Variants in VSIG4 observed in about 807,000 individuals in gnomAD.
The protein encoded by VSIG4 is V-set and immunoglobulin domain containing 4, also known as V-set and immunoglobulin domain-containing protein 4.
VSIG4 carries 34 observed loss-of-function variants against 23.4 expected under a neutral mutation model. That is an observed-to-expected ratio of 1.45 (90% confidence interval 1.10 to 1.93). The LOEUF (loss-of-function observed/expected upper bound fraction) is 1.93, where lower values mean the gene tolerates loss of function less well. Ranked by LOEUF, VSIG4 falls within the 30% of genes most tolerant of loss-of-function variation. The pLI is 0.00. For synonymous variants in VSIG4, 169 were observed against 120.3 expected (o/e 1.41, Z -2.65); for missense variants, 433 against 310.8 (o/e 1.39, Z -2.96).
chrX:66,026,500 G>C (rs907525740), intron 5 of VSIG4, among the ~76,000 whole-genome samples: 1 of 111,887 alleles, frequency 8.9e-6, no homozygotes, highest in South Asian at 3.8e-4. Context: ...TCTTCTCCCA[G>C]TAGATGTTCT....
intron 1 of VSIG4, among the ~76,000 whole-genome samples, chrX:66,035,748 A>C (rs1433486161): frequency 8.9e-6 from 1 of 112,305 alleles, no homozygotes; most frequent in African/African-American, 3.2e-5. Flanking sequence ...CTCTTGGTTT[A>C]ATAGGCTATT....
chrX:66,026,748 T>C (rs2085396777), intron 5 of VSIG4, among the ~76,000 whole-genome samples: 1 of 111,878 alleles, frequency 8.9e-6, no homozygotes, highest in Non-Finnish European at 1.9e-5. Context: ...AGATGCCTAC[T>C]GTAGACTTGG....
intron 3 of VSIG4, among the ~76,000 whole-genome samples, chrX:66,028,705 A>G (rs1266846097): frequency 9.2e-6 from 1 of 108,540 alleles, no homozygotes; most frequent in African/African-American, 3.4e-5. Context: ...TAGTCCCCTT[A>G]CCCCTTCTAC....
intron 5 of VSIG4, among the ~76,000 whole-genome samples, chrX:66,025,385 T>G (rs777334980): frequency 8.9e-6 from 1 of 111,951 alleles, no homozygotes; most frequent in Non-Finnish European, 1.9e-5. Context: ...TTGTCTATGC[T>G]TTCTATAGGG....
intron 1 of VSIG4, among the ~76,000 whole-genome samples, chrX:66,039,653 T>C (rs368632194): frequency 1.8e-5 from 2 of 112,095 alleles, no homozygotes; most frequent in East Asian, 5.6e-4. Flanking sequence ...GATTCGGATG[T>C]CATTGGGAAC....
intron 6 of VSIG4, among the ~76,000 whole-genome samples, chrX:66,023,648 G>C (rs1159506463): frequency 8.9e-6 from 1 of 112,018 alleles, no homozygotes; most frequent in Non-Finnish European, 1.9e-5. Flanking sequence ...TCACACAATA[G>C]GTGCTCAGTA....
intron 5 of VSIG4, 33 bp downstream of exon 5, chrX:66,027,416 A>G (rs758961390): frequency 1.7e-6 from 2 of 1,150,955 alleles, no homozygotes; most frequent in South Asian, 3.8e-5. Flanking sequence ...TAGAGTCAAG[A>G]AGAAAAGATA....
rs1047015462 is a variant in VSIG4 at position 66,025,125 on chromosome X, C to G, written c.840G>C (p.Lys280Asn). ...GGATGATGGCAAAGACAGGCAGGCT[C>G]TTTCCTAGAGGGTAAAACAAGATCA... ...YLGETSAGPG[K>N]SLPVFAIILI... The change falls in exon 6 of 8, where the codon AAG becomes AAC. Residue 280 changes from lysine to asparagine, a missense_variant. Lys to Asn is a moderately conservative substitution (Grantham distance 94). Transcript: ENST00000374737. 1 of 1,184,445 alleles carries G rather than the reference C, an allele frequency of 8.4e-7. No homozygotes were observed. The highest frequency in any genetic ancestry group is 1.8e-5 in the African/African-American group (1 of 57,012).
chrX:66,037,001 T>C, intron 1 of VSIG4, among the ~76,000 whole-genome samples: 1 of 27,576 alleles, frequency 3.6e-5, no homozygotes, highest in Non-Finnish European at 4.9e-5. Flanking sequence ...ATATAATATA[T>C]CATATAATAT....
At chrX:66,034,109 T>A in intron 1 of VSIG4, among the ~76,000 whole-genome samples, 1 of 112,206 alleles carries the variant, frequency 8.9e-6, no homozygotes, top group Non-Finnish European at 1.9e-5. Flanking sequence ...GTAAGTCACC[T>A]TCTTACCGTG....
At chrX:66,024,228 G>A (rs1411676799) in intron 6 of VSIG4, among the ~76,000 whole-genome samples, 1 of 112,037 alleles carries the variant, frequency 8.9e-6, no homozygotes, top group East Asian at 2.8e-4. Flanking sequence ...TTTCCTCCTC[G>A]GTTGGTTCAT....
Position 66,022,202 on chromosome X carries a change from T to C in VSIG4, c.*61A>G. The C allele has an allele frequency of 5.0e-6, 6 of 1,211,475 alleles. No individual in the cohort carries two copies. The highest frequency in any genetic ancestry group is 6.7e-6 in the Non-Finnish European group (6 of 895,290). ...AGAGAGGTAGCAGGGAAGAAGGCCA[T>C]GCAGAAGGCAAGGACTGACTAGGCA... On this transcript the variant is annotated 3_prime_UTR_variant, in exon 8 of 8. Transcript: ENST00000374737.
chrX:66,037,621 C>T (rs2085629448), intron 1 of VSIG4, among the ~76,000 whole-genome samples: 1 of 77,644 alleles, frequency 1.3e-5, no homozygotes, highest in Admixed American at 1.9e-4. Flanking sequence ...CTGATAATTA[C>T]TTATATATAA....
chrX:66,032,550 G>A lies in VSIG4; in HGVS notation c.612C>T (p.Ala204=), dbSNP rs369638381. The A allele has an allele frequency of 5.1e-5, 62 of 1,209,959 alleles. No homozygotes were observed. The highest frequency in any genetic ancestry group is 2.3e-4 in the South Asian group (13 of 56,825). The change falls in exon 3 of 8, where the codon GCC becomes GCT. Residue 204 remains alanine (A), a synonymous_variant. Transcript: ENST00000374737. ...CAGTGCAGAAATAGGAGCCTGAGTC[G>A]GCTATCACCGCAGGCTTGAAGAGTA... The part of the protein sequence containing the change: ...STLLFKPAVI[A]DSGSYFCTAK...
chrX:66,038,018 C>G (rs957462509), intron 1 of VSIG4, among the ~76,000 whole-genome samples: 4 of 110,834 alleles, frequency 3.6e-5, no homozygotes, highest in African/African-American at 1.3e-4. Flanking sequence ...CATTCCCCCA[C>G]ATGACTGGCT....
chrX:66,030,899 A>G (rs937391076), intron 3 of VSIG4, among the ~76,000 whole-genome samples: 2 of 111,368 alleles, frequency 1.8e-5, no homozygotes, highest in Non-Finnish European at 3.8e-5. Context: ...GAGTCATTCT[A>G]GAACTAAAGA....
At chrX:66,037,912 G>C (rs1007511787) in intron 1 of VSIG4, among the ~76,000 whole-genome samples, 3 of 107,441 alleles carry the variant, frequency 2.8e-5, no homozygotes, top group African/African-American at 1.0e-4. Flanking sequence ...GAATTTACTA[G>C]GTGTGTGCTC....
intron 1 of VSIG4, 114 bp downstream of exon 1, chrX:66,039,830 G>T: frequency 1.1e-6 from 1 of 886,547 alleles, no homozygotes; most frequent in Non-Finnish European, 1.6e-6. Flanking sequence ...GAGTTTGGCT[G>T]AGAAGACTCA....
chrX:66,022,596 G>C, intron 7 of VSIG4, 96 bp from the exon 8 acceptor site: 2 of 1,154,245 alleles, frequency 1.7e-6, no homozygotes, highest in Admixed American at 5.2e-5. Flanking sequence ...TTAATTATCA[G>C]GATCCTACCA....
Sources: allele counts gnomAD v4.1 joint callset (sites outside exome capture counted in the v4.1 genomes callset), GRCh38; gene constraint gnomAD v4.1.1; transcripts MANE v1.5; gene names NCBI Gene and HGNC (gene_info 2026-07-23, HGNC 2026-07-21).